Variants in VPS36 observed in about 807,000 individuals in gnomAD.
VPS36 encodes the protein vacuolar protein-sorting-associated protein 36.
A neutral mutation model predicts 63.5 loss-of-function variants in VPS36; 31 were observed. That is an observed-to-expected ratio of 0.49 (90% CI 0.37 to 0.66). The LOEUF (loss-of-function observed/expected upper bound fraction) is 0.66, where lower values mean the gene tolerates loss of function less well. Ranked by LOEUF, VPS36 falls within the 30% of genes least tolerant of loss-of-function variation. The pLI, the probability that VPS36 is intolerant of heterozygous loss-of-function variation, is 0.00. For missense variants in VPS36, 338 were observed against 463.7 expected, an observed-to-expected ratio of 0.73 and a Z score of 2.49; for synonymous variants, 138 against 157.2, an observed-to-expected ratio of 0.88 and a Z score of 0.91.
chr13:52,434,771 T>C, intron 5 of VPS36, 22 bp downstream of exon 5: 1 of 1,597,684 alleles, frequency 6.3e-7, no homozygotes, highest in Non-Finnish European at 8.6e-7. Flanking sequence ...AATACTGGAT[T>C]AGCAAATAGT....
chr13:52,436,452 A>G lies in VPS36; in HGVS notation c.237-48T>C, dbSNP rs1279198274. On this transcript the variant is annotated intron_variant, in intron 3 of 13. Coordinates refer to ENST00000378060, the MANE Select transcript of VPS36 (RefSeq NM_016075.4). ...ATATTGAATTGTCTTTCAAAAAAAT[A>G]TAACTAATTCTACTTTTATAACTTT... 7.8e-6 allele frequency: 10 copies of G among 1,281,558 alleles called. No homozygotes were observed. In the African/African-American group the frequency reaches 8.9e-5, roughly 11 times the overall value. The allele number at this position is 1,281,558 out of a possible 1,614,324, so 79.4% of individuals were successfully genotyped here. A position where few individuals can be genotyped will look rare whatever the true frequency, so the allele number is the denominator to read the frequency against.
intron 1 of VPS36, among the ~76,000 whole-genome samples, chr13:52,444,440 A>C (rs1306881764): frequency 1.3e-5 from 2 of 150,758 alleles, no homozygotes; most frequent in African/African-American, 4.9e-5. Context: ...AGCCTGGGTG[A>C]CAGAGCAAGA....
chr13:52,432,280 G>A (rs1475365259), intron 6 of VPS36, among the ~76,000 whole-genome samples: 1 of 151,902 alleles, frequency 6.6e-6, no homozygotes, highest in Non-Finnish European at 1.5e-5. Flanking sequence ...GAACCTGGGA[G>A]GCAGAGCTTG....
chr13:52,436,255 C>CACACACACACACACACA, intron 4 of VPS36, 35 bp downstream of exon 4: 1 of 722,998 alleles, frequency 1.4e-6, no homozygotes. Flanking sequence ...ACACACACAC[C>CACACACACACACACACA]TTTCTAGTAC....
At position 52,412,650 on chromosome 13, in the gene VPS36, TA is replaced by T. The variant is rs1216983467; in HGVS notation, c.*3179del. 6.6e-6 allele frequency: 1 copy of T among 152,190 alleles called. No individual in the cohort carries two copies. Among genetic ancestry groups the T allele is most frequent in the Non-Finnish European group, 1.5e-5 (1 of 68,034 alleles). The allele number at this position is 152,190 out of a possible 1,614,324, so 9.4% of individuals were successfully genotyped here. ...TTTTTTTATTGAATTGAATGGGAGC[TA>T]AAGTAGGATAAAGTGGAGCCAAATT... On this transcript the variant is annotated 3_prime_UTR_variant, in exon 14 of 14. Coordinates refer to ENST00000378060, the MANE Select transcript of VPS36 (RefSeq NM_016075.4).
chr13:52,437,894 C>T lies in VPS36; in HGVS notation c.236+1204G>A, dbSNP rs9526918. ...GCAGTGAGCCAAGATAGTGCCACTG[C>T]ACTCCAGCCTGGGCAACAAAGCAAG... On this transcript the variant is annotated intron_variant, in intron 3 of 13. Coordinates refer to ENST00000378060, the MANE Select transcript of VPS36 (RefSeq NM_016075.4). 7.2e-3 allele frequency among the ~76,000 whole-genome samples: 1,095 copies of T among 151,588 alleles called. 4 individuals are homozygous for T. The highest frequency in any genetic ancestry group is 0.012 in the Non-Finnish European group (837 of 67,924).
Position 52,425,940 on chromosome 13 carries a change from G to A in VPS36, c.766C>T (p.Pro256Ser). ...AKQLAGILQV[P>S]LEERGGIMSL... Reference sequence around the variant, plus strand: ...ATAGGTTTAGTTTTTACCTCTAAAGGCACCTGCAATATTCCAGCCAGTTGT... The same window carrying A: ...ATAGGTTTAGTTTTTACCTCTAAAGACACCTGCAATATTCCAGCCAGTTGT... Residue 256 changes from proline to serine, a missense_variant, in exon 9 of 14, where the codon CCT (proline) becomes TCT (serine). By Grantham distance (74) the Pro-to-Ser change is moderately conservative. Coordinates refer to ENST00000378060, the MANE Select transcript of VPS36 (RefSeq NM_016075.4). The A allele has an allele frequency of 1.2e-6, 2 of 1,611,768 alleles. No individual in the cohort carries two copies. The highest frequency in any genetic ancestry group is 1.7e-6 in the Non-Finnish European group (2 of 1,179,214).
At chr13:52,434,358 A>T (rs1958191492) in intron 5 of VPS36, among the ~76,000 whole-genome samples, 1 of 150,560 alleles carries the variant, frequency 6.6e-6, no homozygotes, top group Admixed American at 6.6e-5. Flanking sequence ...TGTGAAAATA[A>T]TTTTTTTTTT....
chr13:52,446,601 C>T (rs548047680), intron 1 of VPS36, among the ~76,000 whole-genome samples: 174 of 151,946 alleles, frequency 1.1e-3, no homozygotes, highest in African/African-American at 4.0e-3. Context: ...CTGAAAAGTT[C>T]TTAACCTGCT....
rs539371985 is a variant in VPS36 at position 52,416,907 on chromosome 13, A to G, written c.990+150T>C. On this transcript the variant is annotated intron_variant, in intron 12 of 13. Transcript: ENST00000378060. ...GTATGACTTTGGTTAATATTGATTC[A>G]TTGTTAGTGATAAACCATTTTTATT... The G allele has an allele frequency of 1.9e-5, 12 of 640,126 alleles. No homozygotes were observed. The African/African-American group carries it at 2.2e-4, about 12-fold the overall frequency. The allele number at this position is 640,126 out of a possible 1,614,324, so 39.7% of individuals were successfully genotyped here. A position where few individuals can be genotyped will look rare whatever the true frequency, so the allele number is the denominator to read the frequency against.
chr13:52,429,116 C>T (rs909903676), intron 6 of VPS36: 2 of 231,050 alleles, frequency 8.7e-6, no homozygotes, highest in Non-Finnish European at 1.4e-5. Flanking sequence ...GTTTATGGAA[C>T]CTTGTATCCC....
At chr13:52,450,451 C>CG in intron 1 of VPS36, 48 bp downstream of exon 1, 1 of 1,553,176 alleles carries the variant, frequency 6.4e-7, no homozygotes, top group Non-Finnish European at 8.7e-7. Flanking sequence ...GCGCGCCCAC[C>CG]GGGGGTCCCT....
chr13:52,449,999 A>G, intron 1 of VPS36: 5 of 985,922 alleles, frequency 5.1e-6, no homozygotes, highest in Non-Finnish European at 4.8e-6. Flanking sequence ...CTCCGACTGC[A>G]TAAGGTCCAA....
chr13:52,425,719 T>G (rs2137782200), intron 9 of VPS36: 1 of 438,662 alleles, frequency 2.3e-6, no homozygotes, highest in East Asian at 3.9e-5. Flanking sequence ...ATTTAGAAAG[T>G]TATAGATGTC....
Position 52,415,768 on chromosome 13 carries a change from A to T in VPS36, c.*62T>A. ...TGATCGGGGTTTATCTCTTAGCTCA[A>T]TGTCATACAACCTCTACATGACGCA... On this transcript the variant is annotated 3_prime_UTR_variant, in exon 14 of 14. Transcript: ENST00000378060. 2 of 1,470,660 alleles carry T rather than the reference A, an allele frequency of 1.4e-6. No homozygotes were observed. The highest frequency in any genetic ancestry group is 1.9e-6 in the Non-Finnish European group (2 of 1,059,280). The allele number at this position is 1,470,660 out of a possible 1,614,324, so 91.1% of individuals were successfully genotyped here.
intron 1 of VPS36, among the ~76,000 whole-genome samples, chr13:52,448,762 A>C (rs1376912050): frequency 2.0e-5 from 3 of 152,208 alleles, no homozygotes; most frequent in Non-Finnish European, 4.4e-5. Context: ...CTAGTCTTCA[A>C]ATTGGAGTTC....
intron 1 of VPS36, among the ~76,000 whole-genome samples, chr13:52,448,716 C>T (rs1231308058): frequency 6.6e-6 from 1 of 152,236 alleles, no homozygotes; most frequent in East Asian, 1.9e-4. Flanking sequence ...TGTTTTAAAT[C>T]TATCACAGCT....
intron 10 of VPS36, among the ~76,000 whole-genome samples, chr13:52,422,553 CT>C (rs1293559291): frequency 1.3e-5 from 2 of 152,178 alleles, no homozygotes; most frequent in Non-Finnish European, 2.9e-5. Flanking sequence ...CTCCCTCCCC[CT>C]AGTCTCTACC....
intron 1 of VPS36, chr13:52,449,828 A>T: frequency 1.4e-6 from 1 of 713,002 alleles, no homozygotes; most frequent in Non-Finnish European, 1.7e-6. Flanking sequence ...CTATTAATAT[A>T]ACACTTTACA....
Sources: allele counts gnomAD v4.1 joint callset (sites outside exome capture counted in the v4.1 genomes callset), GRCh38; gene constraint gnomAD v4.1.1; transcripts MANE v1.5; gene names NCBI Gene and HGNC (gene_info 2026-07-23, HGNC 2026-07-21).